The following NLGN4Y variants were observed in gnomAD, a reference collection of about 807,000 sequenced individuals.
NLGN4Y encodes the protein neuroligin-4, Y-linked.
NLGN4Y carries 4 observed loss-of-function variants against 8.4 expected under a neutral mutation model. That is an observed-to-expected ratio of 0.48 (90% CI 0.23 to 1.09). The LOEUF (loss-of-function observed/expected upper bound fraction) is 1.09, where lower values mean the gene tolerates loss of function less well. NLGN4Y is among the 50% of genes least tolerant of loss of function. The pLI is 0.19. For missense variants in NLGN4Y, 90 were observed against 192.3 expected (o/e 0.47, Z 3.15); for synonymous variants, 35 against 75.6 (o/e 0.46, Z 2.78).
chrY:14,810,451 T>C (rs765979093), intron 4 of NLGN4Y, among the ~76,000 whole-genome samples: 2 of 31,656 alleles, frequency 6.3e-5, no homozygotes, highest in Admixed American at 5.9e-4. Context: ...ATCACTTGAA[T>C]TTGGGACATA....
intron 4 of NLGN4Y, among the ~76,000 whole-genome samples, chrY:14,737,778 T>C (rs2080994779): frequency 3.2e-5 from 1 of 31,599 alleles, no homozygotes; most frequent in Admixed American, 3.0e-4. Context: ...TCCAAAAGAG[T>C]ATATTTCTAT....
chrY:14,792,152 T>C (rs2042987966), intron 4 of NLGN4Y, among the ~76,000 whole-genome samples: 1 of 32,957 alleles, frequency 3.0e-5, no homozygotes, highest in Non-Finnish European at 7.4e-5. Context: ...ATTCAACCAG[T>C]ACTTACTTGC....
intron 2 of NLGN4Y, among the ~76,000 whole-genome samples, chrY:14,646,070 T>C: frequency 3.0e-5 from 1 of 32,817 alleles, no homozygotes; most frequent in Non-Finnish European, 7.5e-5. Flanking sequence ...GTGATGATGG[T>C]GATGGTCATG....
At chrY:14,575,966 G>A in intron 1 of NLGN4Y, among the ~76,000 whole-genome samples, 2 of 32,959 alleles carry the variant, frequency 6.1e-5, no homozygotes, top group Non-Finnish European at 1.5e-4. Context: ...TCTCAGAAGA[G>A]TACCCAGCTA....
chrY:14,782,384 TA>T (rs2042946611), intron 4 of NLGN4Y, among the ~76,000 whole-genome samples: 7 of 33,354 alleles, frequency 2.1e-4, no homozygotes, highest in African/African-American at 8.2e-4. Flanking sequence ...GGATGGATTA[TA>T]AGGAACTATT....
chrY:14,561,442 G>T (rs779122088), intron 1 of NLGN4Y, among the ~76,000 whole-genome samples: 1 of 33,445 alleles, frequency 3.0e-5, no homozygotes, highest in East Asian at 7.8e-4. Flanking sequence ...TGGTGTATAT[G>T]TGCCATATTT....
chrY:14,706,504 C>T, intron 2 of NLGN4Y, among the ~76,000 whole-genome samples: 1 of 31,967 alleles, frequency 3.1e-5, no homozygotes, highest in Non-Finnish European at 7.6e-5. Flanking sequence ...ATTTCTGCCT[C>T]CCTGGTTCAA....
chrY:14,765,845 G>T, intron 4 of NLGN4Y, among the ~76,000 whole-genome samples: 1 of 33,501 alleles, frequency 3.0e-5, no homozygotes, highest in Non-Finnish European at 7.4e-5. Context: ...ATCAGAATTA[G>T]CTTTTTCTTT....
chrY:14,664,086 T>C, intron 2 of NLGN4Y, among the ~76,000 whole-genome samples: 1 of 32,919 alleles, frequency 3.0e-5, no homozygotes, highest in East Asian at 8.1e-4. Context: ...CCATGTCTGC[T>C]TTTCCTCTTC....
chrY:14,612,436 C>G, intron 1 of NLGN4Y, among the ~76,000 whole-genome samples: 1 of 33,995 alleles, frequency 2.9e-5, no homozygotes, highest in East Asian at 7.8e-4. Context: ...ATTTATCTAA[C>G]TTTGATCTTT....
intron 4 of NLGN4Y, among the ~76,000 whole-genome samples, chrY:14,809,715 A>G (rs2043070944): frequency 3.1e-5 from 1 of 31,824 alleles, no homozygotes. Context: ...TTATTGAGAC[A>G]CCATAGATGT....
intron 6 of NLGN4Y, among the ~76,000 whole-genome samples, chrY:14,832,196 C>A (rs922458566): frequency 4.6e-4 from 16 of 34,723 alleles, no homozygotes; most frequent in Admixed American, 1.3e-3. Context: ...CACAGTAATT[C>A]TGATAAGATC....
chrY:14,775,944 T>A, intron 4 of NLGN4Y, among the ~76,000 whole-genome samples: 1 of 32,813 alleles, frequency 3.0e-5, no homozygotes, highest in South Asian at 6.8e-4. Context: ...GTTCTCGGAT[T>A]GCAAACTTAG....
At chrY:14,717,007 T>G in intron 2 of NLGN4Y, among the ~76,000 whole-genome samples, 1 of 33,819 alleles carries the variant, frequency 3.0e-5, no homozygotes, top group African/African-American at 1.2e-4. Flanking sequence ...TCCAGCACAT[T>G]GGGACGCCAA....
intron 2 of NLGN4Y, among the ~76,000 whole-genome samples, chrY:14,625,520 A>G: frequency 6.1e-5 from 2 of 32,922 alleles, no homozygotes; most frequent in Admixed American, 2.8e-4. Flanking sequence ...CCGCATCCGC[A>G]TGGTGTGTGT....
chrY:14,571,779 G>A (rs1603500018), intron 1 of NLGN4Y, among the ~76,000 whole-genome samples: 42 of 31,713 alleles, frequency 1.3e-3, no homozygotes, highest in South Asian at 2.2e-3. Flanking sequence ...TTTGTATAAG[G>A]TATAAGGAAG....
chrY:14,750,595 C>A (rs916157390), intron 4 of NLGN4Y, among the ~76,000 whole-genome samples: 2 of 32,984 alleles, frequency 6.1e-5, no homozygotes, highest in South Asian at 1.4e-3. Flanking sequence ...TCAAAATGAA[C>A]AATTTAGAGA....
intron 1 of NLGN4Y, among the ~76,000 whole-genome samples, chrY:14,544,371 C>G (rs751037339): frequency 3.0e-5 from 1 of 33,595 alleles, no homozygotes; most frequent in African/African-American, 1.2e-4. Context: ...CTGGTAATTC[C>G]AGGCTGCATG....
chrY:14,527,535 T>C (rs2080097693), intron 1 of NLGN4Y, among the ~76,000 whole-genome samples: 1 of 33,965 alleles, frequency 2.9e-5, no homozygotes. Flanking sequence ...TCCATTGCTG[T>C]TTTTTGTTTT....
Sources: gnomAD v4.1 joint callset for allele counts (sites outside exome capture counted in the v4.1 genomes callset) on GRCh38, gnomAD v4.1.1 for gene constraint, MANE v1.5 for transcripts, NCBI Gene and HGNC (gene_info 2026-07-23, HGNC 2026-07-21) for gene names.